ERAP1: variants seen among roughly 807,000 people sequenced by gnomAD.
The protein encoded by ERAP1 is adipocyte-derived leucine aminopeptidase.
A neutral mutation model predicts 103.7 loss-of-function variants in ERAP1; 86 were observed. The observed-to-expected ratio is 0.83, with a 90% CI of 0.70 to 0.99. The LOEUF (loss-of-function observed/expected upper bound fraction) is 0.99. ERAP1 is among the 50% of genes least tolerant of loss of function. The pLI is 0.00. For synonymous variants in ERAP1, 398 were observed against 402.4 expected (o/e 0.99, Z 0.13); for missense variants, 1,009 against 1,128.4 (o/e 0.89, Z 1.52).
At position 96,774,577 on chromosome 5, in the gene ERAP1, G is replaced by GCAAA. The variant is rs1167290727; in HGVS notation, c.*1815_*1818dup. Reference sequence around the variant, plus strand: ...GTTTAGAAAATGGGCTTTTCCAAAAGCAAACAAAGATAGGTTCCTCAGGTG... The same window carrying GCAAA: ...GTTTAGAAAATGGGCTTTTCCAAAAGCAAACAAACAAAGATAGGTTCCTCAGGTG... On this transcript the variant is annotated 3_prime_UTR_variant, in exon 19 of 19. Coordinates refer to ENST00000443439, the MANE Select transcript of ERAP1 (RefSeq NM_001040458.3). 5.1e-6 allele frequency: 5 copies of GCAAA among 985,338 alleles called. No homozygotes were observed. Among genetic ancestry groups the GCAAA allele is most frequent in the East Asian group, 1.1e-4 (1 of 8,970 alleles). 61.0% of individuals were successfully genotyped at this position (985,338 alleles called of 1,614,324 possible).
In ERAP1 at chr5:96,790,494, A is replaced by G. The variant is rs27710; in HGVS notation, c.1452+18T>C. The G allele has an allele frequency of 0.64, 1,038,222 of 1,612,748 alleles. 336,047 individuals are homozygous for G. The highest frequency in any genetic ancestry group is 0.66 in the Non-Finnish European group (779,442 of 1,179,138). On this transcript the variant is annotated intron_variant, in intron 9 of 18. Transcript: ENST00000443439. ...GCCTGTCAATCCCAAATGCAGAGATATTCAAAAACATACTCACACTTGCCA... is the reference window on the plus strand; with the variant it reads ...GCCTGTCAATCCCAAATGCAGAGATGTTCAAAAACATACTCACACTTGCCA...
the ERAP1 span, among the ~76,000 whole-genome samples, chr5:96,932,823 G>A: frequency 1.4e-4 from 21 of 152,160 alleles, no homozygotes; most frequent in East Asian, 4.0e-3. Flanking sequence ...TATTTATTAT[G>A]TATTATAATT....
At position 96,781,036 on chromosome 5, in the gene ERAP1, C is replaced by A. The variant is rs75871530; in HGVS notation, c.2588+22G>T. ...AGGTTATGAACTTATCCAGTCACAG[C>A]ACAATTTTTGGCACCACTTACTTTT... is the stretch of plus-strand genomic sequence containing the variant. On this transcript the variant is annotated intron_variant, in intron 17 of 18. Coordinates refer to ENST00000443439, the MANE Select transcript of ERAP1 (RefSeq NM_001040458.3). 2,941 of 1,613,970 alleles carry A rather than the reference C, an allele frequency of 1.8e-3. 36 individuals are homozygous for A. In the African/African-American group the frequency reaches 0.035, roughly 19 times the overall value.
At chr5:96,884,420 G>A in the ERAP1 span, among the ~76,000 whole-genome samples, 1 of 152,200 alleles carries the variant, frequency 6.6e-6, no homozygotes, top group Non-Finnish European at 1.5e-5. Flanking sequence ...AAGGACCTCA[G>A]GGACCCTGCA....
chr5:96,873,716 A>G, the ERAP1 span: 1 of 320,114 alleles, frequency 3.1e-6, no homozygotes, highest in Non-Finnish European at 6.3e-6. Flanking sequence ...AAACACTGAA[A>G]ATGCATTCAC....
chr5:96,843,114 C>T, the ERAP1 span, among the ~76,000 whole-genome samples: 1 of 152,270 alleles, frequency 6.6e-6, no homozygotes, highest in East Asian at 1.9e-4. Context: ...AGCAAGGAAA[C>T]AATGAAGCAA....
chr5:96,837,228 T>C, the ERAP1 span, among the ~76,000 whole-genome samples: 4 of 152,262 alleles, frequency 2.6e-5, no homozygotes, highest in African/African-American at 9.6e-5. Flanking sequence ...CCAGGAATTA[T>C]ATCATTTACA....
chr5:96,932,627 A>G, the ERAP1 span, among the ~76,000 whole-genome samples: 55 of 152,068 alleles, frequency 3.6e-4, no homozygotes, highest in African/African-American at 1.3e-3. Context: ...TAAATATTCT[A>G]CCCTCTCTAG....
upstream of ERAP1, among the ~76,000 whole-genome samples, chr5:96,809,609 A>G (rs1052931495): frequency 1.3e-5 from 2 of 152,204 alleles, no homozygotes; most frequent in African/African-American, 2.4e-5. Flanking sequence ...ACCCTGTTCC[A>G]AGACTCAACT....
chr5:96,901,603 G>A, the ERAP1 span: 31 of 1,614,138 alleles, frequency 1.9e-5, 1 homozygote, highest in Admixed American at 1.7e-5. Flanking sequence ...CAAGACGGGT[G>A]TTCACTCCGA....
chr5:96,792,834 T>A (rs1384382125), intron 7 of ERAP1, among the ~76,000 whole-genome samples: 1 of 152,168 alleles, frequency 6.6e-6, no homozygotes, highest in East Asian at 1.9e-4. Flanking sequence ...TATTTACAAA[T>A]GAAAAGAATC....
downstream of ERAP1, chr5:96,770,561 A>C (rs200689846): frequency 8.7e-6 from 14 of 1,613,228 alleles, no homozygotes; most frequent in Non-Finnish European, 1.0e-5. Flanking sequence ...TTCCAGCTCC[A>C]AAGCACCTAA....
At chr5:96,766,092 A>G (rs1769843685) in intron 19 of ERAP1, 6 of 1,611,760 alleles carry the variant, frequency 3.7e-6, no homozygotes, top group African/African-American at 1.3e-5. Flanking sequence ...GCTTGGAGAA[A>G]GAGATGACAC....
chr5:96,762,944 G>A (rs1768516979), exon 20 of ERAP1: 4 of 555,480 alleles, frequency 7.2e-6, no homozygotes, highest in Non-Finnish European at 9.7e-6. Flanking sequence ...AGGCAAGGCT[G>A]TGGGACCAAA....
intron 1 of ERAP1, among the ~76,000 whole-genome samples, chr5:96,805,347 T>TG (rs1491586399): frequency 3.2e-5 from 2 of 63,318 alleles, no homozygotes; most frequent in African/African-American, 1.1e-4. Flanking sequence ...TGGTTTTTGG[T>TG]TTTTTTTTTT....
At chr5:96,767,538 G>A in intron 19 of ERAP1, 3 of 1,387,330 alleles carry the variant, frequency 2.2e-6, no homozygotes, top group Non-Finnish European at 3.1e-6. Flanking sequence ...AGCCATAGGG[G>A]TATTTGGCAT....
chr5:96,888,213 G>A, the ERAP1 span, among the ~76,000 whole-genome samples: 1 of 151,934 alleles, frequency 6.6e-6, no homozygotes, highest in African/African-American at 2.4e-5. Context: ...TATGTATTAT[G>A]TTCATGAATA....
chr5:96,761,403 A>T (rs1036965791), exon 20 of ERAP1: 15 of 152,348 alleles, frequency 9.8e-5, no homozygotes, highest in African/African-American at 3.6e-4. Context: ...TTTACAGGGT[A>T]TAAATGGACA....
chr5:96,772,952 A>G (rs1243139244), downstream of ERAP1: 2 of 153,868 alleles, frequency 1.3e-5, no homozygotes, highest in African/African-American at 4.8e-5. Context: ...AAGCTAAGTG[A>G]ATTTTTGCAC....
Sources: allele counts gnomAD v4.1 joint callset (sites outside exome capture counted in the v4.1 genomes callset), GRCh38; gene constraint gnomAD v4.1.1; transcripts MANE v1.5; gene names NCBI Gene and HGNC (gene_info 2026-07-23, HGNC 2026-07-21).